Variants in NACC2 observed in about 807,000 individuals in gnomAD.
NACC2 encodes the protein nucleus accumbens-associated protein 2.
NACC2 carries 8 observed loss-of-function variants against 25.1 expected under a neutral mutation model. The ratio of observed to expected loss-of-function variants is 0.32; its 90% CI spans 0.19 to 0.57. The LOEUF (loss-of-function observed/expected upper bound fraction) is 0.57, where lower values mean the gene tolerates loss of function less well. Ranked by LOEUF, NACC2 falls within the 20% of genes least tolerant of loss-of-function variation. The pLI is 0.89. For missense variants in NACC2, 644 were observed against 650.2 expected, an observed-to-expected ratio of 0.99 and a Z score of 0.10; for synonymous variants, 435 against 294.7, an observed-to-expected ratio of 1.48 and a Z score of -4.88.
intron 2 of NACC2, among the ~76,000 whole-genome samples, chr9:136,042,863 C>T (rs1424440481): frequency 7.1e-6 from 1 of 140,342 alleles, no homozygotes; most frequent in African/African-American, 2.6e-5. Context: ...CACAGAGACA[C>T]AGAGACAAAC....
At position 136,011,716 on chromosome 9, in the gene NACC2, C is replaced by T. The variant is rs762695132; in HGVS notation, c.1564G>A (p.Ala522Thr). ...TCGCCGGCGTCGAAGGCGGGGTTGG[C>T]GGCGGCACTCAGGTCAACATTCACG... ...DAVNVDLSAA[A>T]NPAFDAGEEV... The change falls in exon 6 of 6, where the codon GCC (alanine) becomes ACC (threonine). Residue 522 changes from alanine (A) to threonine (T), a missense_variant. Physicochemically the swap from Ala to Thr is moderately conservative, Grantham distance 58. Coordinates refer to ENST00000277554, the MANE Select transcript of NACC2 (RefSeq NM_144653.5). 52 of 1,513,058 alleles carry T rather than the reference C, an allele frequency of 3.4e-5. No individual in the cohort carries two copies. The East Asian group carries it at 6.3e-4, about 18-fold the overall frequency. The allele number at this position is 1,513,058 out of a possible 1,614,324, so 93.7% of individuals were successfully genotyped here.
rs1209745508 is a variant in NACC2 at position 136,074,698 on chromosome 9, A to G, written c.-60+20491T>C. Among the ~76,000 whole-genome samples the G allele has an allele frequency of 2.6e-5, 4 of 151,740 alleles. No homozygotes were observed. The East Asian group carries it at 5.9e-4, about 22-fold the overall frequency. On this transcript the variant is annotated intron_variant, in intron 1 of 5. Coordinates refer to ENST00000277554, the MANE Select transcript of NACC2 (RefSeq NM_144653.5). ...ACTGACCGTGCCTCCACCAAGTCAC[A>G]CCCTAAACTGCACCGACAGATGAAG...
intron 2 of NACC2, among the ~76,000 whole-genome samples, chr9:136,045,905 C>G (rs1172395359): frequency 6.6e-6 from 1 of 152,164 alleles, no homozygotes; most frequent in African/African-American, 2.4e-5. Context: ...CAAGCCCAGC[C>G]CCAGCTGGCG....
At chr9:136,082,484 T>A (rs1381032483) in intron 1 of NACC2, among the ~76,000 whole-genome samples, 1 of 152,092 alleles carries the variant, frequency 6.6e-6, no homozygotes, top group Non-Finnish European at 1.5e-5. Flanking sequence ...TGGGCAGGTG[T>A]GTGCAGGGCG....
intron 1 of NACC2, among the ~76,000 whole-genome samples, chr9:136,087,635 G>A (rs913700488): frequency 2.2e-4 from 33 of 152,196 alleles, no homozygotes; most frequent in African/African-American, 7.7e-4. Context: ...AGCAGGATAC[G>A]GTACCCCATT....
rs1485314327 is a variant in NACC2 at position 136,050,249 on chromosome 9, G to A, written c.273C>T (p.Thr91=). 6.5e-6 allele frequency: 5 copies of A among 770,508 alleles called. No individual in the cohort carries two copies. Among genetic ancestry groups the A allele is most frequent in the Non-Finnish European group, 1.2e-5 (5 of 415,164 alleles). 47.7% of individuals were successfully genotyped at this position (770,508 alleles called of 1,614,324 possible). Residue 91 remains threonine (T), a synonymous_variant, in exon 2 of 6, where the codon ACC becomes ACT. Coordinates refer to ENST00000277554, the MANE Select transcript of NACC2 (RefSeq NM_144653.5). ...ILSFCYTGRL[T]MTASEQLVVM... ...CCACGAGCTGCTCGCTGGCCGTCAT[G>A]GTGAGCCTGCCCGTGTAGCAGAAGG...
chr9:136,051,876 A>AGGAGG (rs1840846593), intron 1 of NACC2, among the ~76,000 whole-genome samples: 19 of 132,380 alleles, frequency 1.4e-4, no homozygotes, highest in African/African-American at 5.6e-4. Context: ...GGGAGCCGGC[A>AGGAGG]AGGAGGAGGA....
In NACC2 at chr9:136,011,498, G is replaced by C; in HGVS notation, c.*18C>G. ...GCAGCTCTAGTACTCGGTCCCTCGCGCAGCCACCCAGCTCCGCTTACAAGG... is the reference window on the plus strand; with the variant it reads ...GCAGCTCTAGTACTCGGTCCCTCGCCCAGCCACCCAGCTCCGCTTACAAGG... On this transcript the variant is annotated 3_prime_UTR_variant, in exon 6 of 6. Coordinates refer to ENST00000277554, the MANE Select transcript of NACC2 (RefSeq NM_144653.5). 3 of 1,357,330 alleles carry C rather than the reference G, an allele frequency of 2.2e-6. No individual in the cohort carries two copies. The highest frequency in any genetic ancestry group is 2.8e-6 in the Non-Finnish European group (3 of 1,056,554). 84.1% of individuals were successfully genotyped at this position (1,357,330 alleles called of 1,614,324 possible).
intron 1 of NACC2, among the ~76,000 whole-genome samples, chr9:136,069,273 G>A (rs140314787): frequency 1.0e-4 from 15 of 146,084 alleles, no homozygotes; most frequent in South Asian, 6.2e-4. Context: ...TTGACTGGGC[G>A]CGGTGGCTCA....
chr9:136,034,031 A>C (rs1207233629), intron 2 of NACC2, among the ~76,000 whole-genome samples: 1 of 152,146 alleles, frequency 6.6e-6, no homozygotes, highest in Admixed American at 6.6e-5. Flanking sequence ...AACCTGAAAG[A>C]GTTAGAGAAA....
At chr9:136,088,971 C>T (rs540176401) in intron 1 of NACC2, among the ~76,000 whole-genome samples, 58 of 152,334 alleles carry the variant, frequency 3.8e-4, no homozygotes, top group South Asian at 6.2e-4. Flanking sequence ...CTCGGCATCG[C>T]GTGGAGCGGC....
At chr9:136,079,683 T>C (rs1830301009) in intron 1 of NACC2, among the ~76,000 whole-genome samples, 1 of 152,150 alleles carries the variant, frequency 6.6e-6, no homozygotes, top group Non-Finnish European at 1.5e-5. Context: ...CCGAATGCAC[T>C]CCAGGGTCAC....
chr9:136,034,656 TAA>T (rs537229760), intron 2 of NACC2, among the ~76,000 whole-genome samples: 3 of 137,982 alleles, frequency 2.2e-5, no homozygotes, highest in African/African-American at 7.8e-5. Flanking sequence ...GAAAATGCTT[TAA>T]AAAAAAAAAA....
At chr9:136,090,589 C>T (rs1297336342) in intron 1 of NACC2, among the ~76,000 whole-genome samples, 2 of 152,186 alleles carry the variant, frequency 1.3e-5, no homozygotes, top group African/African-American at 2.4e-5. Flanking sequence ...CATGAGGGAC[C>T]CCAGGCAGCT....
chr9:136,039,960 G>C (rs1840603343), intron 2 of NACC2, among the ~76,000 whole-genome samples: 1 of 152,144 alleles, frequency 6.6e-6, no homozygotes, highest in Admixed American at 6.5e-5. Context: ...GATGGCCTAT[G>C]TAGGAAATGC....
rs1335897294 is a variant in NACC2 at position 136,011,532 on chromosome 9, T to G, written c.1748A>C (p.Tyr583Ser). The G allele has an allele frequency of 2.1e-6, 3 of 1,407,252 alleles. No homozygotes were observed. The highest frequency in any genetic ancestry group is 1.8e-6 in the Non-Finnish European group (2 of 1,086,888). The allele number at this position is 1,407,252 out of a possible 1,614,324, so 87.2% of individuals were successfully genotyped here. A position where few individuals can be genotyped will look rare whatever the true frequency, so the allele number is the denominator to read the frequency against. The stretch of plus-strand genomic sequence containing the variant: ...CAGCTCCGCTTACAAGGTCCCTGCA[T>G]AGGTGCCCTCCGGCCTCCGGGCCGC... ...AAAARRPEGTYAGTL is the reference protein window; with the variant it reads ...AAAARRPEGTSAGTL The change falls in exon 6 of 6, where the codon TAT (tyrosine) becomes TCT (serine). Residue 583 changes from tyrosine (Y) to serine (S), a missense_variant. Tyr to Ser is a moderately radical substitution (Grantham distance 144). Coordinates refer to ENST00000277554, the MANE Select transcript of NACC2 (RefSeq NM_144653.5).
At chr9:136,061,104 A>G (rs1334079336) in intron 1 of NACC2, among the ~76,000 whole-genome samples, 2 of 152,116 alleles carry the variant, frequency 1.3e-5, no homozygotes, top group Non-Finnish European at 2.9e-5. Flanking sequence ...AATGCCAGGT[A>G]AGGGGTTCCT....
At chr9:136,015,247 AG>A (rs1266762537) in intron 3 of NACC2, among the ~76,000 whole-genome samples, 2 of 152,228 alleles carry the variant, frequency 1.3e-5, no homozygotes, top group Non-Finnish European at 1.5e-5. Flanking sequence ...GTGAAGCACC[AG>A]GGCCCGCGTG....
At chr9:136,025,684 T>C (rs1588561604) in intron 2 of NACC2, among the ~76,000 whole-genome samples, 1 of 149,424 alleles carries the variant, frequency 6.7e-6, no homozygotes, top group Non-Finnish European at 1.5e-5. Flanking sequence ...GAGGCTGAGG[T>C]GGGCCAGTCA....
Sources: allele counts gnomAD v4.1 joint callset (sites outside exome capture counted in the v4.1 genomes callset), GRCh38; gene constraint gnomAD v4.1.1; transcripts MANE v1.5; gene names NCBI Gene and HGNC (gene_info 2026-07-23, HGNC 2026-07-21).